Variants in CCDC18 observed in about 807,000 individuals in gnomAD.
The protein encoded by CCDC18 is coiled-coil domain-containing protein 18.
CCDC18 carries 157 observed loss-of-function variants against 196.0 expected under a neutral mutation model. That is an observed-to-expected ratio of 0.80 (90% CI 0.70 to 0.91). The LOEUF is 0.91. Among genes scored for constraint, CCDC18 ranks in the 40% least tolerant of loss-of-function variants. CCDC18 has a pLI of 0.00. For missense variants in CCDC18, 1,465 were observed against 1,611.6 expected, an observed-to-expected ratio of 0.91 and a Z score of 1.56; for synonymous variants, 482 against 529.2, an observed-to-expected ratio of 0.91 and a Z score of 1.22.
chr1:93,211,275 TA>T (rs10538532), intron 10 of CCDC18, among the ~76,000 whole-genome samples: 39,570 of 139,942 alleles, frequency 0.28, 7,408 homozygotes, highest in African/African-American at 0.54. Flanking sequence ...GAGACTCCAT[TA>T]AAAAAAAAAA....
intron 18 of CCDC18, among the ~76,000 whole-genome samples, chr1:93,234,783 C>CTTGTTTTGTTTTGTTTTGTT (rs112240098): frequency 0.15 from 22,551 of 149,658 alleles, 1,908 homozygotes; most frequent in African/African-American, 0.19. Context: ...ATGGGGTTTT[C>CTTGTTTTGTTTTGTTTTGTT]TTGTTTTGTT....
intron 17 of CCDC18, among the ~76,000 whole-genome samples, chr1:93,230,142 G>A (rs1013122163): frequency 1.3e-5 from 2 of 151,062 alleles, no homozygotes; most frequent in Non-Finnish European, 2.9e-5. Flanking sequence ...AAGTACTCTG[G>A]GAATATAATA....
intron 3 of CCDC18, 114 bp downstream of exon 3, chr1:93,184,260 A>G (rs1650253369): frequency 1.4e-5 from 5 of 356,444 alleles, no homozygotes; most frequent in Non-Finnish European, 2.4e-5. Context: ...TTTTTCTTTA[A>G]ATACCTTATT....
intron 8 of CCDC18, 96 bp from the exon 9 acceptor site, chr1:93,207,011 T>C: frequency 1.5e-6 from 1 of 686,152 alleles, no homozygotes; most frequent in Non-Finnish European, 2.3e-6. Flanking sequence ...ATTTTAGAAT[T>C]AAGCTTCAAA....
intron 28 of CCDC18, among the ~76,000 whole-genome samples, chr1:93,273,130 G>A (rs1322255197): frequency 2.0e-5 from 3 of 151,746 alleles, no homozygotes; most frequent in Non-Finnish European, 4.4e-5. Context: ...GTGCAGTGGC[G>A]CAATCTTGGC....
intron 6 of CCDC18, among the ~76,000 whole-genome samples, chr1:93,195,907 T>C (rs1652643756): frequency 6.6e-6 from 1 of 152,198 alleles, no homozygotes; most frequent in African/African-American, 2.4e-5. Context: ...CAGAACCTTT[T>C]CAAGGACTAT....
At chr1:93,180,611 C>T (rs758814664), upstream of CCDC18, 5 of 1,347,832 alleles carry the variant, frequency 3.7e-6, no homozygotes, top group Admixed American at 2.4e-5. Context: ...TGGGCTCGGG[C>T]GCGCTCGCCG....
At chr1:93,180,168 C>G, upstream of CCDC18, 3 of 1,613,202 alleles carry the variant, frequency 1.9e-6, no homozygotes, top group East Asian at 2.2e-5. Context: ...TGAAGCCGGC[C>G]GCCCCAGGCA....
chr1:93,196,717 G>C (rs921543950), intron 6 of CCDC18, among the ~76,000 whole-genome samples: 1 of 152,182 alleles, frequency 6.6e-6, no homozygotes, highest in Non-Finnish European at 1.5e-5. Context: ...TGTGTATATG[G>C]AACCATGTAG....
intron 27 of CCDC18, among the ~76,000 whole-genome samples, chr1:93,265,435 T>C (rs1664367411): frequency 6.6e-6 from 1 of 152,232 alleles, no homozygotes; most frequent in Non-Finnish European, 1.5e-5. Context: ...CTATATTTAA[T>C]TGTAAAAGTT....
intron 21 of CCDC18, among the ~76,000 whole-genome samples, chr1:93,245,904 A>C (rs1661437726): frequency 6.6e-6 from 1 of 152,134 alleles, no homozygotes; most frequent in African/African-American, 2.4e-5. Flanking sequence ...ACCCTTTTAG[A>C]ATACCCTTTA....
intron 21 of CCDC18, 36 bp from the exon 22 acceptor site, chr1:93,246,069 T>C (rs747140873): frequency 1.4e-6 from 2 of 1,440,746 alleles, no homozygotes; most frequent in South Asian, 1.3e-5. Flanking sequence ...ACTCTTCTAC[T>C]ATCTGCTTTG....
Position 93,188,212 on chromosome 1 carries a change from A to G in CCDC18, c.462+1709A>G, listed in dbSNP as rs530216648. ...GCCATGTATGAGCTTTTGATGTTAC[A>G]TATATGCCCACTATTGAGACTGTTT... On this transcript the variant is annotated intron_variant, in intron 4 of 28. Coordinates refer to ENST00000690025, the MANE Select transcript of CCDC18 (RefSeq NM_001378204.1). Among the ~76,000 whole-genome samples, 98 of 152,330 alleles carry G rather than the reference A, an allele frequency of 6.4e-4. 1 individual carries two copies. The highest frequency in any genetic ancestry group is 1.8e-3 in the African/African-American group (75 of 41,582).
chr1:93,261,135 G>C (rs1663727982), intron 26 of CCDC18, among the ~76,000 whole-genome samples: 1 of 152,280 alleles, frequency 6.6e-6, no homozygotes, highest in East Asian at 1.9e-4. Flanking sequence ...TATATACCCA[G>C]TAATGGGATG....
At chr1:93,275,288 T>C (rs1365599326) in intron 28 of CCDC18, among the ~76,000 whole-genome samples, 1 of 152,090 alleles carries the variant, frequency 6.6e-6, no homozygotes, top group Non-Finnish European at 1.5e-5. Flanking sequence ...TTGCATTTTT[T>C]AGTAGAGATG....
upstream of CCDC18, chr1:93,180,556 A>G: frequency 1.4e-6 from 2 of 1,464,838 alleles, no homozygotes; most frequent in South Asian, 1.1e-5. Context: ...AATGGGCATC[A>G]TGGCGGTAAT....
intron 28 of CCDC18, among the ~76,000 whole-genome samples, chr1:93,276,046 G>C (rs538853492): frequency 6.6e-6 from 1 of 152,310 alleles, no homozygotes; most frequent in African/African-American, 2.4e-5. Flanking sequence ...ATTTTTTAAA[G>C]CAGTGGTAGG....
intron 28 of CCDC18, 111 bp from the exon 29 acceptor site, chr1:93,278,352 A>C (rs983504115): frequency 9.5e-6 from 4 of 421,470 alleles, no homozygotes; most frequent in African/African-American, 8.2e-5. Flanking sequence ...AGTAGACTAA[A>C]TATTTCTCAC....
intron 23 of CCDC18, among the ~76,000 whole-genome samples, chr1:93,251,547 A>G (rs1662253003): frequency 6.6e-6 from 1 of 151,986 alleles, no homozygotes; most frequent in Admixed American, 6.6e-5. Context: ...TCTGCTTGGC[A>G]CGGTATTCAT....
Sources: allele counts gnomAD v4.1 joint callset (sites outside exome capture counted in the v4.1 genomes callset), GRCh38; gene constraint gnomAD v4.1.1; transcripts MANE v1.5; gene names NCBI Gene and HGNC (gene_info 2026-07-23, HGNC 2026-07-21).